Variants in LYPD6 observed in about 807,000 individuals in gnomAD.
LYPD6 encodes ly6/PLAUR domain-containing protein 6.
A neutral mutation model predicts 22.7 loss-of-function variants in LYPD6; 15 were observed. The observed-to-expected ratio is 0.66, with a 90% confidence interval of 0.44 to 1.02. The LOEUF (loss-of-function observed/expected upper bound fraction) is 1.02, where lower values mean the gene tolerates loss of function less well. LYPD6 is among the 50% of genes least tolerant of loss of function. The probability of loss-of-function intolerance (pLI) is 0.00; values close to 1 mark genes in which losing one functional copy is unlikely to be tolerated. For missense variants in LYPD6, 189 were observed against 208.4 expected (o/e 0.91, Z 0.57); for synonymous variants, 72 against 77.5 (o/e 0.93, Z 0.37).
At chr2:149,353,486 G>T (rs932877788) in intron 1 of LYPD6, among the ~76,000 whole-genome samples, 3 of 152,136 alleles carry the variant, frequency 2.0e-5, no homozygotes, top group African/African-American at 7.2e-5. Context: ...TGTAATTATG[G>T]TAGCTCTTCT....
chr2:149,425,451 A>G (rs1049865822), intron 1 of LYPD6, among the ~76,000 whole-genome samples: 6 of 152,210 alleles, frequency 3.9e-5, no homozygotes, highest in African/African-American at 1.2e-4. Flanking sequence ...ATGAGTGAAC[A>G]TGTAAAATAG....
At chr2:149,377,791 C>A (rs1361229034) in intron 1 of LYPD6, among the ~76,000 whole-genome samples, 2 of 109,400 alleles carry the variant, frequency 1.8e-5, no homozygotes, top group African/African-American at 6.9e-5. Flanking sequence ...ACCCCCCCCC[C>A]CACCCCCCCA....
At chr2:149,412,548 G>T (rs1301673655) in intron 1 of LYPD6, among the ~76,000 whole-genome samples, 1 of 151,774 alleles carries the variant, frequency 6.6e-6, no homozygotes, top group Non-Finnish European at 1.5e-5. Flanking sequence ...ACTCTTAATA[G>T]CCTGCTTTTA....
intron 1 of LYPD6, among the ~76,000 whole-genome samples, chr2:149,380,819 G>A (rs1682043112): frequency 6.6e-6 from 1 of 152,186 alleles, no homozygotes; most frequent in Admixed American, 6.6e-5. Flanking sequence ...ATTGAATGAA[G>A]GGTTTAAGGA....
intron 1 of LYPD6, among the ~76,000 whole-genome samples, chr2:149,351,007 G>A (rs1681348416): frequency 6.6e-6 from 1 of 152,226 alleles, no homozygotes. Context: ...CTTCCCAGAA[G>A]TGGGGAGAAG....
In LYPD6 at chr2:149,414,931, G is replaced by A. The variant is rs1025882321; in HGVS notation, c.-71-22707G>A. On this transcript the variant is annotated intron_variant, in intron 1 of 4. Transcript: ENST00000334166. ...TGGGGTGCGTTTGTCCTCCTGTTAC[G>A]TTTTGTTCATTTTGAACCAGTTTAC... 1.5e-4 allele frequency among the ~76,000 whole-genome samples: 23 copies of A among 152,160 alleles called. 1 individual carries two copies. Among genetic ancestry groups the A allele is most frequent in the Non-Finnish European group, 1.5e-5 (1 of 68,034 alleles).
intron 1 of LYPD6, among the ~76,000 whole-genome samples, chr2:149,435,738 C>T (rs1348139861): frequency 5.0e-4 from 76 of 152,152 alleles, no homozygotes; most frequent in Non-Finnish European, 2.9e-5. Flanking sequence ...GATTGAGTGG[C>T]CCATTCTCTT....
intron 1 of LYPD6, among the ~76,000 whole-genome samples, chr2:149,370,034 A>G (rs550518206): frequency 3.7e-4 from 56 of 152,220 alleles, no homozygotes; most frequent in African/African-American, 1.3e-3. Flanking sequence ...GGCTGGCAGG[A>G]AAGTGGGGTG....
At chr2:149,484,192 A>C in the LYPD6 span, among the ~76,000 whole-genome samples, 1 of 152,236 alleles carries the variant, frequency 6.6e-6, no homozygotes. Flanking sequence ...GAAGTTTACC[A>C]AACTGTTTGA....
At chr2:149,422,282 G>A (rs1374701309) in intron 1 of LYPD6, among the ~76,000 whole-genome samples, 1 of 152,198 alleles carries the variant, frequency 6.6e-6, no homozygotes, top group Non-Finnish European at 1.5e-5. Flanking sequence ...GCACAGAGAG[G>A]TTAAGCAACC....
chr2:149,485,094 G>A, the LYPD6 span, among the ~76,000 whole-genome samples: 2 of 152,070 alleles, frequency 1.3e-5, no homozygotes, highest in African/African-American at 4.8e-5. Context: ...GGGTCATCAC[G>A]GGCCCCTCAG....
At chr2:149,456,062 A>T (rs1467655866) in intron 3 of LYPD6, among the ~76,000 whole-genome samples, 1 of 152,190 alleles carries the variant, frequency 6.6e-6, no homozygotes. Context: ...AAGAGGAGAA[A>T]ACACATCTTT....
At chr2:149,399,480 C>T (rs1682503993) in intron 1 of LYPD6, among the ~76,000 whole-genome samples, 1 of 151,888 alleles carries the variant, frequency 6.6e-6, no homozygotes, top group Non-Finnish European at 1.5e-5. Context: ...ATGGATTTCA[C>T]TTTATACATT....
At chr2:149,480,874 C>A in the LYPD6 span, among the ~76,000 whole-genome samples, 1 of 152,154 alleles carries the variant, frequency 6.6e-6, no homozygotes, top group Non-Finnish European at 1.5e-5. Flanking sequence ...TATAAAGGCC[C>A]AGCCCCCATC....
intron 1 of LYPD6, among the ~76,000 whole-genome samples, chr2:149,395,590 G>A (rs10199981): frequency 0.53 from 79,925 of 151,878 alleles, 23,933 homozygotes; most frequent in East Asian, 0.79. Flanking sequence ...TAGAGTTGGT[G>A]TTCCTAGGAG....
intron 1 of LYPD6, among the ~76,000 whole-genome samples, chr2:149,331,223 C>T (rs1270355923): frequency 6.6e-6 from 1 of 152,168 alleles, no homozygotes; most frequent in Non-Finnish European, 1.5e-5. Flanking sequence ...GGTACCTCCC[C>T]GCCGCTGCAA....
At chr2:149,371,103 T>C (rs562608964) in intron 1 of LYPD6, among the ~76,000 whole-genome samples, 4 of 152,348 alleles carry the variant, frequency 2.6e-5, no homozygotes, top group African/African-American at 9.6e-5. Context: ...CCCACTCTGT[T>C]GCCCAGGTTG....
the LYPD6 span, among the ~76,000 whole-genome samples, chr2:149,480,112 C>T: frequency 0.011 from 1,716 of 151,838 alleles, 33 homozygotes; most frequent in African/African-American, 0.039. Context: ...CAGGTTCAAG[C>T]GATTCTTCTG....
intron 1 of LYPD6, among the ~76,000 whole-genome samples, chr2:149,383,216 T>A (rs1455420852): frequency 6.6e-6 from 1 of 152,196 alleles, no homozygotes; most frequent in East Asian, 1.9e-4. Context: ...AAAACTTTTC[T>A]ATGCCGGTTG....
Sources: gnomAD v4.1 joint callset for allele counts (sites outside exome capture counted in the v4.1 genomes callset) on GRCh38, gnomAD v4.1.1 for gene constraint, MANE v1.5 for transcripts, NCBI Gene and HGNC (gene_info 2026-07-23, HGNC 2026-07-21) for gene names.